The following RBMS3 variants were observed in gnomAD, a reference collection of about 807,000 sequenced individuals.
The protein encoded by RBMS3 is RNA-binding motif, single-stranded-interacting protein 3.
Under a neutral mutation model 66.8 loss-of-function variants are expected in RBMS3, and 27 were observed. The observed-to-expected ratio is 0.40, with a 90% CI of 0.30 to 0.56. The LOEUF is 0.56. RBMS3 is among the 20% of genes least tolerant of loss of function. RBMS3 has a pLI of 0.40. For synonymous variants in RBMS3, 188 were observed against 183.0 expected (o/e 1.03, Z -0.22); for missense variants, 513 against 549.5 (o/e 0.93, Z 0.66).
In RBMS3 at chr3:29,555,718, A is replaced by G. The variant is rs1473726024; in HGVS notation, c.308-31396A>G. Among the ~76,000 whole-genome samples the G allele has an allele frequency of 6.6e-5, 10 of 152,150 alleles. 1 individual carries two copies. Among genetic ancestry groups the G allele is most frequent in the Admixed American group, 6.5e-4 (10 of 15,268 alleles). ...AGTGTTACTCCTAGTCTAAAGTGGA[A>G]TTTGGTTCTGTCTCCTGCTCCTCCC... On this transcript the variant is annotated intron_variant, in intron 3 of 14. Transcript: ENST00000383767.
At chr3:29,841,499 G>A (rs576674592) in intron 6 of RBMS3, among the ~76,000 whole-genome samples, 2 of 152,068 alleles carry the variant, frequency 1.3e-5, no homozygotes, top group South Asian at 2.1e-4. Context: ...TCCAGATATA[G>A]ACAGGCTATA....
intron 4 of RBMS3, among the ~76,000 whole-genome samples, chr3:29,608,215 G>A (rs1010669754): frequency 6.6e-6 from 1 of 151,678 alleles, no homozygotes; most frequent in Non-Finnish European, 1.5e-5. Flanking sequence ...GCCAAGAATT[G>A]GTATGTATTC....
intron 4 of RBMS3, among the ~76,000 whole-genome samples, chr3:29,632,817 A>G (rs1211085517): frequency 2.6e-5 from 4 of 151,864 alleles, no homozygotes; most frequent in African/African-American, 7.2e-5. Context: ...TTTTCTGTGG[A>G]CAGTGCAAGA....
At chr3:29,675,198 A>G (rs903828715) in intron 4 of RBMS3, among the ~76,000 whole-genome samples, 1 of 152,154 alleles carries the variant, frequency 6.6e-6, no homozygotes. Context: ...TTTAATAAAT[A>G]GCGCTGGGAA....
At chr3:29,312,758 T>G (rs2034456801) in intron 1 of RBMS3, among the ~76,000 whole-genome samples, 1 of 151,420 alleles carries the variant, frequency 6.6e-6, no homozygotes, top group Admixed American at 6.6e-5. Context: ...TGAAGTCCCG[T>G]AAATTAAATA....
In RBMS3 at chr3:29,743,371, T is replaced by C. The variant is rs534626166; in HGVS notation, c.557+3494T>C. Among the ~76,000 whole-genome samples, 6 of 152,356 alleles carry C rather than the reference T, an allele frequency of 3.9e-5. No individual in the cohort carries two copies. The East Asian group carries it at 9.7e-4, about 25-fold the overall frequency. The stretch of plus-strand genomic sequence containing the variant: ...ACCATTTTCTTGATTCTTCCAAGAA[T>C]AGCACATAGCAAGTGAGAGAAATTA... On this transcript the variant is annotated intron_variant, in intron 5 of 14. Coordinates refer to ENST00000383767, the MANE Select transcript of RBMS3 (RefSeq NM_001003793.3).
chr3:29,996,076 T>A (rs1444577619), intron 14 of RBMS3, among the ~76,000 whole-genome samples: 2 of 151,900 alleles, frequency 1.3e-5, no homozygotes, highest in East Asian at 3.9e-4. Flanking sequence ...GAAGAAGATC[T>A]ACCAAGCCAA....
At chr3:29,312,343 TA>T (rs2034429288) in intron 1 of RBMS3, among the ~76,000 whole-genome samples, 1 of 151,786 alleles carries the variant, frequency 6.6e-6, no homozygotes, top group African/African-American at 2.4e-5. Flanking sequence ...TTTTGAAGAA[TA>T]CGTGCTCTGT....
chr3:29,838,974 G>T (rs2058597586), intron 6 of RBMS3, among the ~76,000 whole-genome samples: 1 of 152,134 alleles, frequency 6.6e-6, no homozygotes, highest in Non-Finnish European at 1.5e-5. Flanking sequence ...GGCTGCCAGG[G>T]GGACAGCTTC....
intron 1 of RBMS3, among the ~76,000 whole-genome samples, chr3:29,291,661 G>GT (rs1450127505): frequency 1.3e-5 from 2 of 151,714 alleles, no homozygotes; most frequent in Admixed American, 6.6e-5. Context: ...AGGGTCATAG[G>GT]TTTTTTATAT....
intron 6 of RBMS3, among the ~76,000 whole-genome samples, chr3:29,832,513 C>A (rs2058397055): frequency 6.6e-6 from 1 of 150,466 alleles, no homozygotes; most frequent in African/African-American, 2.4e-5. Flanking sequence ...AGAACGGTTT[C>A]ACTTTACCCA....
chr3:29,425,220 A>AC (rs1553601580), intron 1 of RBMS3, among the ~76,000 whole-genome samples: 8 of 113,288 alleles, frequency 7.1e-5, no homozygotes, highest in African/African-American at 2.4e-4. Context: ...AAAAAACAAA[A>AC]AAAAAAAAAC....
At chr3:29,961,221 A>G (rs1226656313) in intron 12 of RBMS3, among the ~76,000 whole-genome samples, 1 of 152,170 alleles carries the variant, frequency 6.6e-6, no homozygotes, top group Non-Finnish European at 1.5e-5. Context: ...TCTCTTTGCT[A>G]AAGCATGGCA....
chr3:29,698,155 A>G, intron 4 of RBMS3: 1 of 950,494 alleles, frequency 1.1e-6, no homozygotes, highest in Non-Finnish European at 1.3e-6. Context: ...AGTGAAATTA[A>G]TGCTCCTTCT....
At chr3:29,563,052 C>T (rs1452761620) in intron 3 of RBMS3, among the ~76,000 whole-genome samples, 8 of 152,158 alleles carry the variant, frequency 5.3e-5, no homozygotes, top group African/African-American at 1.9e-4. Context: ...ACGCTTTGAT[C>T]TGGAAAAGAC....
At chr3:29,499,820 G>C (rs981514326) in intron 3 of RBMS3, among the ~76,000 whole-genome samples, 18 of 152,134 alleles carry the variant, frequency 1.2e-4, no homozygotes, top group African/African-American at 4.3e-4. Flanking sequence ...CATATTCTCA[G>C]ATCTCGTCCA....
At position 29,843,747 on chromosome 3, in the gene RBMS3, G is replaced by A. The variant is rs1398938863; in HGVS notation, c.638-25111G>A. ...GGAGGGGTAGATAGCTTGAGCCCAGGGGACCAGCCTGGGCAACATAGCAAA... is the reference window on the plus strand; with the variant it reads ...GGAGGGGTAGATAGCTTGAGCCCAGAGGACCAGCCTGGGCAACATAGCAAA... On this transcript the variant is annotated intron_variant, in intron 6 of 14. Transcript: ENST00000383767. Among the ~76,000 whole-genome samples the A allele has an allele frequency of 2.0e-5, 3 of 152,116 alleles. No homozygotes were observed. In the East Asian group the frequency reaches 5.8e-4, roughly 30 times the overall value.
intron 6 of RBMS3, among the ~76,000 whole-genome samples, chr3:29,840,637 A>ATTC (rs2058638553): frequency 6.6e-6 from 1 of 152,072 alleles, no homozygotes; most frequent in African/African-American, 2.4e-5. Flanking sequence ...GGTCTCAGAG[A>ATTC]TACCTGAAGG....
At chr3:29,862,712 C>T (rs776176366) in intron 6 of RBMS3, among the ~76,000 whole-genome samples, 3 of 151,776 alleles carry the variant, frequency 2.0e-5, no homozygotes, top group Admixed American at 6.6e-5. Context: ...AGTGTGGCGG[C>T]GTGTGCCTAT....
Sources: gnomAD v4.1 joint callset for allele counts (sites outside exome capture counted in the v4.1 genomes callset) on GRCh38, gnomAD v4.1.1 for gene constraint, MANE v1.5 for transcripts, NCBI Gene and HGNC (gene_info 2026-07-23, HGNC 2026-07-21) for gene names.